HYDIN: variants seen among roughly 807,000 people sequenced by gnomAD.
The protein encoded by HYDIN is axonemal central pair apparatus protein HYDIN.
Under a neutral mutation model 403.9 loss-of-function variants are expected in HYDIN, and 132 were observed. That is an observed-to-expected ratio of 0.33 (90% CI 0.28 to 0.38). The LOEUF (loss-of-function observed/expected upper bound fraction) is 0.38. HYDIN is among the 10% of genes least tolerant of loss of function. The pLI is 1.00. For synonymous variants in HYDIN, 1,202 were observed against 1,891.7 expected (o/e 0.64, Z 9.46); for missense variants, 2,827 against 5,009.5 (o/e 0.56, Z 13.15).
At position 70,880,183 on chromosome 16, in the gene HYDIN, C is replaced by T. The variant is rs368490856; in HGVS notation, c.10216-427G>A. 6.4e-4 allele frequency among the ~76,000 whole-genome samples: 76 copies of T among 118,866 alleles called. 1 individual carries two copies. The South Asian group carries it at 0.019, about 29-fold the overall frequency. 78.0% of individuals were successfully genotyped at this position (118,866 alleles called of 152,430 possible). Reference sequence around the variant, plus strand: ...AGGCAATCCTCCCACCTCAGCCTCCCGAGTAGCTGGGACTACAGGAGTGTG... The same window carrying T: ...AGGCAATCCTCCCACCTCAGCCTCCTGAGTAGCTGGGACTACAGGAGTGTG... On this transcript the variant is annotated intron_variant, in intron 60 of 85. Coordinates refer to ENST00000393567, the MANE Select transcript of HYDIN (RefSeq NM_001270974.2).
intron 69 of HYDIN, among the ~76,000 whole-genome samples, chr16:70,861,487 T>C (rs1482852333): frequency 6.6e-6 from 1 of 151,684 alleles, no homozygotes; most frequent in Non-Finnish European, 1.5e-5. Flanking sequence ...ACTTTCATTG[T>C]CAGATGTCAT....
Position 70,919,139 on chromosome 16 carries a change from T to C in HYDIN, c.7786-710A>G, listed in dbSNP as rs962082095. On this transcript the variant is annotated intron_variant, in intron 46 of 85. Transcript: ENST00000393567. ...GGAGCTAAAGGCATTTCCTGACAAA[T>C]ACGCAGCTGAGTTAACTCCCAGGAT... Among the ~76,000 whole-genome samples the C allele has an allele frequency of 4.6e-4, 69 of 151,088 alleles. 1 individual carries two copies. Among genetic ancestry groups the C allele is most frequent in the African/African-American group, 1.6e-3 (65 of 41,102 alleles).
intron 44 of HYDIN, among the ~76,000 whole-genome samples, chr16:70,936,902 G>GT (rs1256430826): frequency 6.6e-6 from 1 of 151,586 alleles, no homozygotes; most frequent in Non-Finnish European, 1.5e-5. Context: ...CGAAAGCCGT[G>GT]TTCCCCTCCT....
intron 10 of HYDIN, among the ~76,000 whole-genome samples, chr16:71,110,755 T>C (rs1255129018): frequency 1.4e-5 from 2 of 144,156 alleles, no homozygotes; most frequent in South Asian, 2.2e-4. Context: ...CTGAGCCTCT[T>C]TTACACAGAA....
chr16:70,881,247 A>T (rs2040781309), intron 60 of HYDIN, among the ~76,000 whole-genome samples: 1 of 135,030 alleles, frequency 7.4e-6, no homozygotes, highest in South Asian at 2.2e-4. Context: ...AAAAAAAATC[A>T]GTCTTCCTCA....
At chr16:70,990,751 G>A (rs1480851738) in intron 25 of HYDIN, among the ~76,000 whole-genome samples, 1 of 152,296 alleles carries the variant, frequency 6.6e-6, no homozygotes, top group South Asian at 2.1e-4. Context: ...AGGTGTATCT[G>A]GAGGATAATT....
intron 55 of HYDIN, among the ~76,000 whole-genome samples, chr16:70,893,237 A>G (rs953383826): frequency 2.0e-5 from 3 of 152,094 alleles, no homozygotes; most frequent in Non-Finnish European, 4.4e-5. Context: ...ATTCCATGCA[A>G]CCTCAAAGAG....
chr16:71,093,237 G>A (rs1159329640), intron 11 of HYDIN, among the ~76,000 whole-genome samples: 1 of 152,208 alleles, frequency 6.6e-6, no homozygotes, highest in African/African-American at 2.4e-5. Flanking sequence ...TAGTGATGGG[G>A]AGACACTGAA....
Position 71,115,710 on chromosome 16 carries a change from TA to T in HYDIN, c.1312del (p.Tyr438ThrfsTer5). 1 of 868,444 alleles carries T rather than the reference TA, an allele frequency of 1.2e-6. No homozygotes were observed. The highest frequency in any genetic ancestry group is 1.5e-5 in the South Asian group (1 of 68,802). 53.8% of individuals were successfully genotyped at this position (868,444 alleles called of 1,614,324 possible). On this transcript the variant is annotated frameshift_variant, in exon 10 of 86. Coordinates refer to ENST00000393567, the MANE Select transcript of HYDIN (RefSeq NM_001270974.2). LOFTEE classifies it high-confidence loss of function. Reference sequence around the variant, plus strand: ...GAGGTCACTACCTAAAATGTCGCAGTAAATGGTCTGTTGATAGAGCTTGGCT... The same window carrying T: ...GAGGTCACTACCTAAAATGTCGCAGTAATGGTCTGTTGATAGAGCTTGGCT... ...LEAKLYQQTIYCDILGREIRL... is the reference protein window; with the variant it reads ...LEAKLYQQTIXCDILGREIRL...
In HYDIN at chr16:71,097,886, TATC is replaced by T. The variant is rs964707824; in HGVS notation, c.1328-3954_1328-3952del. 2.8e-4 allele frequency among the ~76,000 whole-genome samples: 42 copies of T among 152,236 alleles called. No homozygotes were observed. The Middle Eastern group carries it at 0.01, about 37-fold the overall frequency. On this transcript the variant is annotated intron_variant, in intron 10 of 85. Transcript: ENST00000393567. The stretch of plus-strand genomic sequence containing the variant: ...CAGCCAAGTGATATTTCTAATTCAT[TATC>T]ATCATTTTAACACCTTGTGACATTT...
chr16:71,102,034 T>A (rs2083469613), intron 10 of HYDIN, among the ~76,000 whole-genome samples: 1 of 152,114 alleles, frequency 6.6e-6, no homozygotes, highest in African/African-American at 2.4e-5. Context: ...CATGAGTGAA[T>A]CTCAGCAAAA....
intron 45 of HYDIN, among the ~76,000 whole-genome samples, chr16:70,923,052 G>A (rs1320615766): frequency 6.6e-6 from 1 of 151,958 alleles, no homozygotes; most frequent in African/African-American, 2.4e-5. Flanking sequence ...ACAGGCATAA[G>A]CCACTATGCC....
chr16:70,839,848 C>A (rs1567685640), intron 76 of HYDIN, among the ~76,000 whole-genome samples: 1 of 144,000 alleles, frequency 6.9e-6, no homozygotes, highest in African/African-American at 2.6e-5. Flanking sequence ...GCTCTACATA[C>A]TTCACAAAGA....
At chr16:70,942,512 A>G (rs541895576) in intron 42 of HYDIN, among the ~76,000 whole-genome samples, 19 of 152,344 alleles carry the variant, frequency 1.2e-4, no homozygotes, top group Admixed American at 7.2e-4. Context: ...TATTTTTCTT[A>G]TTAGTCTTAC....
intron 1 of HYDIN, among the ~76,000 whole-genome samples, chr16:71,200,167 T>A (rs2087922688): frequency 6.6e-6 from 1 of 152,194 alleles, no homozygotes; most frequent in African/African-American, 2.4e-5. Flanking sequence ...AGGGGAGGCA[T>A]GAATAATCTG....
chr16:71,199,600 G>A (rs2087883141), intron 1 of HYDIN, among the ~76,000 whole-genome samples: 1 of 152,140 alleles, frequency 6.6e-6, no homozygotes, highest in Non-Finnish European at 1.5e-5. Flanking sequence ...GCCTTCTAAA[G>A]CCTTGAAGCA....
At chr16:71,195,733 T>C (rs1041409108) in intron 1 of HYDIN, among the ~76,000 whole-genome samples, 2 of 152,236 alleles carry the variant, frequency 1.3e-5, no homozygotes, top group Non-Finnish European at 2.9e-5. Flanking sequence ...CTCTGCAGGA[T>C]ATGTGCCTTC....
intron 8 of HYDIN, among the ~76,000 whole-genome samples, chr16:71,135,673 T>A (rs1342584506): frequency 1.3e-5 from 2 of 152,222 alleles, no homozygotes; most frequent in African/African-American, 2.4e-5. Context: ...GGTGAGCACA[T>A]GTGAGTCGGG....
In HYDIN at chr16:71,230,689, C is replaced by A. The variant is rs115761180; in HGVS notation, c.-151G>T. On this transcript the variant is annotated 5_prime_UTR_variant, in exon 1 of 86. Coordinates refer to ENST00000393567, the MANE Select transcript of HYDIN (RefSeq NM_001270974.2). ...CTTGAAGCCGCCCGCACTCTCCATG[C>A]GCCGCCCGAGCTGTTGCCGTCCGTT... 2,607 of 1,536,066 alleles carry A rather than the reference C, an allele frequency of 1.7e-3. 37 individuals are homozygous for A. The African/African-American group carries it at 0.031, about 18-fold the overall frequency.
Sources: allele counts gnomAD v4.1 joint callset (sites outside exome capture counted in the v4.1 genomes callset), GRCh38; gene constraint gnomAD v4.1.1; transcripts MANE v1.5; gene names NCBI Gene and HGNC (gene_info 2026-07-23, HGNC 2026-07-21).